ZBTB7C: variants seen among roughly 807,000 people sequenced by gnomAD.
ZBTB7C encodes the protein zinc finger and BTB domain containing 7C.
ZBTB7C carries 8 observed loss-of-function variants against 25.7 expected under a neutral mutation model. The ratio of observed to expected loss-of-function variants is 0.31; its 90% CI spans 0.18 to 0.56. The LOEUF (loss-of-function observed/expected upper bound fraction) is 0.56. ZBTB7C is among the 20% of genes least tolerant of loss of function. The pLI is 0.91. For synonymous variants in ZBTB7C, 394 were observed against 369.0 expected, an observed-to-expected ratio of 1.07 and a Z score of -0.78; for missense variants, 824 against 855.2, an observed-to-expected ratio of 0.96 and a Z score of 0.46.
chr18:48,410,192 A>C (rs2048367471), upstream of ZBTB7C, among the ~76,000 whole-genome samples: 1 of 152,154 alleles, frequency 6.6e-6, no homozygotes, highest in East Asian at 1.9e-4. Flanking sequence ...CGAGCGCACC[A>C]AGACGCCTAG....
chr18:48,076,995 C>A (rs1598834070), intron 3 of ZBTB7C: 3 of 983,788 alleles, frequency 3.0e-6, no homozygotes, highest in Non-Finnish European at 2.4e-6. Context: ...AAGACAGCAC[C>A]TAAGTTCCCT....
chr18:48,323,588 C>G (rs2046147085), intron 2 of ZBTB7C, among the ~76,000 whole-genome samples: 1 of 152,068 alleles, frequency 6.6e-6, no homozygotes, highest in Admixed American at 6.6e-5. Context: ...TATGACTTTG[C>G]CATTCTTTTG....
intron 3 of ZBTB7C, chr18:48,072,436 C>A (rs532979788): frequency 1.3e-5 from 2 of 152,350 alleles, no homozygotes; most frequent in East Asian, 3.9e-4. Flanking sequence ...GCCAGGTTGG[C>A]CTCAGGCGCC....
intron 1 of ZBTB7C, among the ~76,000 whole-genome samples, chr18:48,352,864 G>C (rs2046896030): frequency 6.6e-6 from 1 of 152,110 alleles, no homozygotes; most frequent in Non-Finnish European, 1.5e-5. Flanking sequence ...TGTGTTGGGA[G>C]GGCTGGGACC....
intron 1 of ZBTB7C, among the ~76,000 whole-genome samples, chr18:48,384,125 T>C (rs1335763793): frequency 6.6e-6 from 1 of 152,144 alleles, no homozygotes; most frequent in African/African-American, 2.4e-5. Context: ...GAGAACTGCT[T>C]CATTGACAAA....
chr18:48,147,323 C>A (rs1220823846), intron 3 of ZBTB7C, among the ~76,000 whole-genome samples: 1 of 152,136 alleles, frequency 6.6e-6, no homozygotes, highest in Non-Finnish European at 1.5e-5. Flanking sequence ...AGTGATCTGC[C>A]TGCCTCGGCC....
upstream of ZBTB7C, among the ~76,000 whole-genome samples, chr18:48,409,825 G>A (rs2048362805): frequency 6.6e-6 from 1 of 150,944 alleles, no homozygotes; most frequent in Admixed American, 6.6e-5. Context: ...CCTCCTCCAG[G>A]ATTTAAAGGG....
At chr18:48,347,393 C>T (rs1488781065) in intron 1 of ZBTB7C, among the ~76,000 whole-genome samples, 1 of 152,156 alleles carries the variant, frequency 6.6e-6, no homozygotes, top group Non-Finnish European at 1.5e-5. Context: ...ATAAAAGATA[C>T]CATAATTCCT....
intron 3 of ZBTB7C, among the ~76,000 whole-genome samples, chr18:48,114,775 G>A (rs946209507): frequency 2.0e-5 from 3 of 152,166 alleles, no homozygotes; most frequent in African/African-American, 7.2e-5. Context: ...CCTGCTTCAA[G>A]GTGGATGAAT....
chr18:48,227,561 C>T (rs1170625247), intron 2 of ZBTB7C, among the ~76,000 whole-genome samples: 1 of 152,128 alleles, frequency 6.6e-6, no homozygotes, highest in Admixed American at 6.5e-5. Flanking sequence ...TTCAAATGAC[C>T]CCAAAAGTGT....
At chr18:48,262,098 A>G (rs1315637210) in intron 2 of ZBTB7C, among the ~76,000 whole-genome samples, 1 of 152,208 alleles carries the variant, frequency 6.6e-6, no homozygotes. Flanking sequence ...AAGCATGAAC[A>G]TGGAAAAGAA....
chr18:48,331,102 C>T (rs1343068963), intron 2 of ZBTB7C, among the ~76,000 whole-genome samples: 3 of 152,104 alleles, frequency 2.0e-5, no homozygotes, highest in Non-Finnish European at 4.4e-5. Context: ...GAAGGCTTTG[C>T]TAGCCTCCAT....
intron 3 of ZBTB7C, among the ~76,000 whole-genome samples, chr18:48,109,729 G>A (rs1173115312): frequency 2.0e-5 from 3 of 152,134 alleles, no homozygotes; most frequent in Non-Finnish European, 2.9e-5. Flanking sequence ...GGCTGCGGAG[G>A]TGCATTTCCT....
At chr18:48,408,969 C>G (rs540180109) in intron 1 of ZBTB7C, among the ~76,000 whole-genome samples, 1 of 150,658 alleles carries the variant, frequency 6.6e-6, no homozygotes, top group Non-Finnish European at 1.5e-5. Flanking sequence ...GGCTGCCGCA[C>G]GGAGCCCCTG....
chr18:48,100,714 G>A (rs2038798396), intron 3 of ZBTB7C, among the ~76,000 whole-genome samples: 1 of 152,148 alleles, frequency 6.6e-6, no homozygotes, highest in South Asian at 2.1e-4. Flanking sequence ...ATTTTAATAA[G>A]GGGGCCGCAT....
intron 1 of ZBTB7C, among the ~76,000 whole-genome samples, chr18:48,393,007 C>T (rs144800017): frequency 6.6e-6 from 1 of 152,280 alleles, no homozygotes; most frequent in African/African-American, 2.4e-5. Context: ...GCCAGGATGA[C>T]CTCAGAAATT....
At chr18:48,052,408 C>T (rs1365586376) in intron 3 of ZBTB7C, among the ~76,000 whole-genome samples, 2 of 152,208 alleles carry the variant, frequency 1.3e-5, no homozygotes, top group Non-Finnish European at 2.9e-5. Flanking sequence ...GATATTTTGG[C>T]ATCTGTTCTA....
chr18:48,368,242 CAAAAAA>C (rs780636646), intron 1 of ZBTB7C, among the ~76,000 whole-genome samples: 3 of 95,530 alleles, frequency 3.1e-5, no homozygotes, highest in Non-Finnish European at 6.3e-5. Flanking sequence ...GAAAGCCTAG[CAAAAAA>C]AAAAAAAAAA....
chr18:48,065,075 G>A (rs921305021), intron 3 of ZBTB7C, among the ~76,000 whole-genome samples: 1 of 152,212 alleles, frequency 6.6e-6, no homozygotes, highest in Non-Finnish European at 1.5e-5. Context: ...GCAGGACTCT[G>A]CCTCCCACTG....
Sources: gnomAD v4.1 joint callset for allele counts (sites outside exome capture counted in the v4.1 genomes callset) on GRCh38, gnomAD v4.1.1 for gene constraint, MANE v1.5 for transcripts, NCBI Gene and HGNC (gene_info 2026-07-23, HGNC 2026-07-21) for gene names.